MYO5B: variants seen among roughly 807,000 people sequenced by gnomAD.
The protein encoded by MYO5B is unconventional myosin-Vb.
Under a neutral mutation model 229.3 loss-of-function variants are expected in MYO5B, and 143 were observed. The observed-to-expected ratio is 0.62, with a 90% confidence interval of 0.54 to 0.72. The LOEUF (loss-of-function observed/expected upper bound fraction) is 0.72. Ranked by LOEUF, MYO5B falls within the 30% of genes least tolerant of loss-of-function variation. MYO5B has a pLI of 0.00. For synonymous variants in MYO5B, 918 were observed against 885.2 expected (o/e 1.04, Z -0.66); for missense variants, 2,321 against 2,331.0 (o/e 1.00, Z 0.09).
At position 49,912,070 on chromosome 18, in the gene MYO5B, G is replaced by A. The variant is rs1283937972; in HGVS notation, c.2194C>T (p.Leu732Phe). 5.0e-6 allele frequency: 8 copies of A among 1,613,694 alleles called. No individual in the cohort carries two copies. The highest frequency in any genetic ancestry group is 2.7e-5 in the African/African-American group (2 of 74,916). ...KAICRSVLENLIKDPDKFQFG... is the reference protein window; with the variant it reads ...KAICRSVLENFIKDPDKFQFG... Reference sequence around the variant, plus strand: ...TGGGCTGTGTGGCTCACCTTGATGAGGTTCTCCAGGACAGACCTGCAGATG... The same window carrying A: ...TGGGCTGTGTGGCTCACCTTGATGAAGTTCTCCAGGACAGACCTGCAGATG... The change falls in exon 18 of 40, where the codon CTC (leucine) becomes TTC (phenylalanine). Residue 732 changes from leucine (L) to phenylalanine (F), a missense_variant. Leu to Phe is a conservative substitution (Grantham distance 22, BLOSUM62 0). Around this residue, in one of 2 missense-constraint regions of MYO5B, gnomAD observed 2,113 missense variants for 2,044.7 expected, o/e 1.03. Transcript: ENST00000285039.
At chr18:49,927,729 T>C (rs2025145623) in intron 17 of MYO5B, among the ~76,000 whole-genome samples, 1 of 152,198 alleles carries the variant, frequency 6.6e-6, no homozygotes, top group Non-Finnish European at 1.5e-5. Flanking sequence ...TCTCTTACTC[T>C]CTACAAAAAT....
chr18:49,823,015 T>C lies in MYO5B; in HGVS notation c.*3456A>G, dbSNP rs1407554216. The C allele has an allele frequency of 6.6e-6, 1 of 152,236 alleles. No homozygotes were observed. The highest frequency in any genetic ancestry group is 1.5e-5 in the Non-Finnish European group (1 of 68,036). The allele number at this position is 152,236 out of a possible 1,614,324, so 9.4% of individuals were successfully genotyped here. ...ACTCTTTCAGAGAGGCAGTCCTTCA[T>C]CTAAATGTCAGTTGGTGGCAAAATG... On this transcript the variant is annotated 3_prime_UTR_variant, in exon 40 of 40. Transcript: ENST00000285039.
intron 27 of MYO5B, among the ~76,000 whole-genome samples, chr18:49,869,758 G>A (rs865939435): frequency 4.6e-5 from 7 of 151,862 alleles, no homozygotes; most frequent in Admixed American, 1.3e-4. Flanking sequence ...TCCCTTGCAG[G>A]GCTTGTTAAA....
At chr18:49,928,267 G>C (rs986613840) in intron 17 of MYO5B, among the ~76,000 whole-genome samples, 1 of 152,180 alleles carries the variant, frequency 6.6e-6, no homozygotes, top group Non-Finnish European at 1.5e-5. Flanking sequence ...AAAAGGGAAT[G>C]TTTTTACACT....
At position 50,127,360 on chromosome 18, in the gene MYO5B, G is replaced by A. The variant is rs532936825; in HGVS notation, c.27+67407C>T. ...TAATCCCAGCAGCCAAGTTTTGAAC[G>A]CTTCACTTTATCTACTGGAAAACTG... On this transcript the variant is annotated intron_variant, in intron 1 of 39. Coordinates refer to ENST00000285039, the MANE Select transcript of MYO5B (RefSeq NM_001080467.3). 7.9e-5 allele frequency among the ~76,000 whole-genome samples: 12 copies of A among 152,234 alleles called. No individual in the cohort carries two copies. In the South Asian group the frequency reaches 1.9e-3, roughly 24 times the overall value.
intron 13 of MYO5B, among the ~76,000 whole-genome samples, chr18:49,953,622 C>T (rs1432852415): frequency 1.3e-5 from 2 of 152,140 alleles, no homozygotes; most frequent in Non-Finnish European, 2.9e-5. Flanking sequence ...CACCTCACAC[C>T]CAATGAATCA....
rs776924929 is a variant in MYO5B at position 49,990,443 on chromosome 18, T to C, written c.834A>G (p.Ala278=). The part of the protein sequence containing the change: ...AAGLPEFKEL[A]LTSAEDFFYT... The stretch of plus-strand genomic sequence containing the variant: ...GGCATGCACCTGTTGACTTACTTAG[T>C]GCAAGCTCTTTAAATTCTGGAAGAC... Residue 278 remains alanine, a synonymous_variant, in exon 7 of 40, where the codon GCA becomes GCG. Coordinates refer to ENST00000285039, the MANE Select transcript of MYO5B (RefSeq NM_001080467.3). 3 of 1,613,342 alleles carry C rather than the reference T, an allele frequency of 1.9e-6. No homozygotes were observed. The highest frequency in any genetic ancestry group is 2.2e-5 in the South Asian group (2 of 91,054).
chr18:50,072,162 G>A (rs1175072686), intron 1 of MYO5B, among the ~76,000 whole-genome samples: 1 of 152,122 alleles, frequency 6.6e-6, no homozygotes, highest in Non-Finnish European at 1.5e-5. Context: ...ATGGAGGAGG[G>A]ACACTCTGTG....
chr18:50,123,903 G>T (rs2032112375), intron 1 of MYO5B, among the ~76,000 whole-genome samples: 1 of 152,164 alleles, frequency 6.6e-6, no homozygotes, highest in South Asian at 2.1e-4. Flanking sequence ...AATACTTTAT[G>T]TATATATACG....
intron 13 of MYO5B, among the ~76,000 whole-genome samples, chr18:49,954,024 A>ATGTGTGTGTGTGTG (rs766610907): frequency 3.9e-5 from 2 of 51,056 alleles, no homozygotes; most frequent in African/African-American, 1.5e-4. Flanking sequence ...ATGTATTTAT[A>ATGTGTGTGTGTGTG]TGTGTGTGTG....
At chr18:50,120,415 C>A (rs1599035411) in intron 1 of MYO5B, among the ~76,000 whole-genome samples, 1 of 152,326 alleles carries the variant, frequency 6.6e-6, no homozygotes, top group East Asian at 1.9e-4. Flanking sequence ...GGTGACCCCT[C>A]AATTCTCAGG....
intron 39 of MYO5B, among the ~76,000 whole-genome samples, chr18:49,827,395 G>T (rs1333398575): frequency 2.6e-5 from 4 of 152,226 alleles, no homozygotes; most frequent in Admixed American, 2.6e-4. Context: ...GGTCCCAGCA[G>T]ATGCCTGTCT....
At chr18:50,107,860 T>G (rs1319371424) in intron 1 of MYO5B, among the ~76,000 whole-genome samples, 1 of 152,174 alleles carries the variant, frequency 6.6e-6, no homozygotes, top group African/African-American at 2.4e-5. Context: ...TACCACACCC[T>G]GAAGTCCCCA....
chr18:49,850,636 G>T (rs1423055131), intron 31 of MYO5B: 1 of 152,170 alleles, frequency 6.6e-6, no homozygotes, highest in Admixed American at 6.5e-5. Context: ...AGGCCAGTTG[G>T]TAGAAAGGAC....
intron 19 of MYO5B, 51 bp downstream of exon 19, chr18:49,906,368 C>G: frequency 6.4e-7 from 1 of 1,562,462 alleles, no homozygotes; most frequent in East Asian, 2.3e-5. Context: ...AGGCAGACCC[C>G]CATCTTCCCC....
chr18:50,073,131 T>C (rs183835000), intron 1 of MYO5B, among the ~76,000 whole-genome samples: 1 of 152,224 alleles, frequency 6.6e-6, no homozygotes, highest in Non-Finnish European at 1.5e-5. Context: ...AGTATACTTA[T>C]AACGATCAAG....
intron 1 of MYO5B, among the ~76,000 whole-genome samples, chr18:50,112,441 T>C (rs1011998758): frequency 3.3e-5 from 5 of 152,154 alleles, no homozygotes; most frequent in African/African-American, 1.2e-4. Context: ...GCAAGGCTCC[T>C]GCCGAGCCAC....
intron 1 of MYO5B, among the ~76,000 whole-genome samples, chr18:50,182,035 G>A (rs1445800515): frequency 6.6e-6 from 1 of 152,106 alleles, no homozygotes; most frequent in Non-Finnish European, 1.5e-5. Flanking sequence ...AGAACTCAAG[G>A]TCAAAAGCCT....
intron 2 of MYO5B, among the ~76,000 whole-genome samples, chr18:50,052,761 A>G (rs1444995018): frequency 1.3e-5 from 2 of 152,110 alleles, no homozygotes; most frequent in African/African-American, 2.4e-5. Flanking sequence ...ACCACAATAG[A>G]TATGAATGAA....
Sources: allele counts gnomAD v4.1 joint callset (sites outside exome capture counted in the v4.1 genomes callset), GRCh38; gene constraint gnomAD v4.1.1; regional missense constraint gnomAD v4.1.1; transcripts MANE v1.5; gene names NCBI Gene and HGNC (gene_info 2026-07-23, HGNC 2026-07-21).